NREP: variants seen among roughly 807,000 people sequenced by gnomAD.
The protein encoded by NREP is neuronal regeneration-related protein.
A neutral mutation model predicts 8.6 loss-of-function variants in NREP; 5 were observed. The ratio of observed to expected loss-of-function variants is 0.58; its 90% CI spans 0.30 to 1.22. The LOEUF is 1.22. NREP is among the 50% of genes most tolerant of loss of function. The probability of loss-of-function intolerance (pLI) is 0.07; values close to 1 mark genes in which losing one functional copy is unlikely to be tolerated. For missense variants in NREP, 86 were observed against 82.5 expected (o/e 1.04, Z -0.17); for synonymous variants, 27 against 28.0 (o/e 0.96, Z 0.11).
At chr5:111,974,164 C>T (rs1042190623) in intron 2 of NREP, among the ~76,000 whole-genome samples, 40 of 152,150 alleles carry the variant, frequency 2.6e-4, no homozygotes, top group African/African-American at 9.4e-4. Context: ...TGTCCGTGTT[C>T]CTCAGTCTTT....
intron 2 of NREP, among the ~76,000 whole-genome samples, chr5:111,822,394 A>AG (rs2112925603): frequency 6.6e-6 from 1 of 152,366 alleles, no homozygotes; most frequent in African/African-American, 2.4e-5. Context: ...TTGATATAAT[A>AG]GAATTAGGGC....
At chr5:111,919,370 T>A (rs2112576662) in intron 2 of NREP, among the ~76,000 whole-genome samples, 1 of 152,298 alleles carries the variant, frequency 6.6e-6, no homozygotes, top group South Asian at 2.1e-4. Flanking sequence ...ATCCTATTAC[T>A]GGGTATATAC....
intron 2 of NREP, among the ~76,000 whole-genome samples, chr5:111,880,414 A>G (rs1486946040): frequency 6.6e-6 from 1 of 152,202 alleles, no homozygotes; most frequent in African/African-American, 2.4e-5. Flanking sequence ...CCAAGATCAA[A>G]TATGTCAGCA....
intron 2 of NREP, among the ~76,000 whole-genome samples, chr5:111,838,723 G>C (rs2112945457): frequency 6.6e-6 from 1 of 151,454 alleles, no homozygotes; most frequent in South Asian, 2.1e-4. Context: ...ATATGTGTGT[G>C]TGTTTGTATG....
intron 2 of NREP, among the ~76,000 whole-genome samples, chr5:111,878,624 A>T (rs1365848881): frequency 6.6e-6 from 1 of 152,180 alleles, no homozygotes; most frequent in Non-Finnish European, 1.5e-5. Context: ...ATAGTTTTAG[A>T]TTTTAATGAA....
chr5:111,938,002 G>T (rs951935191), intron 2 of NREP, among the ~76,000 whole-genome samples: 5 of 152,118 alleles, frequency 3.3e-5, no homozygotes, highest in Non-Finnish European at 7.4e-5. Context: ...TCTTGCTCTT[G>T]TAATCTAACC....
chr5:111,762,336 T>A (rs1561656436), upstream of NREP, among the ~76,000 whole-genome samples: 1 of 152,164 alleles, frequency 6.6e-6, no homozygotes, highest in African/African-American at 2.4e-5. Flanking sequence ...ACCTGTTGAA[T>A]GTATAACACA....
At chr5:111,936,701 C>T (rs111483835) in intron 2 of NREP, among the ~76,000 whole-genome samples, 8 of 152,214 alleles carry the variant, frequency 5.3e-5, no homozygotes, top group African/African-American at 1.4e-4. Context: ...TGCATGACTA[C>T]AATCTCCTTG....
chr5:111,913,123 T>C (rs1015211023), intron 2 of NREP, among the ~76,000 whole-genome samples: 2 of 151,980 alleles, frequency 1.3e-5, no homozygotes, highest in Non-Finnish European at 2.9e-5. Flanking sequence ...AAGGTAAGTG[T>C]TAGTATCCAT....
chr5:111,946,811 G>A (rs898134771), intron 2 of NREP, among the ~76,000 whole-genome samples: 4 of 152,108 alleles, frequency 2.6e-5, no homozygotes, highest in Admixed American at 2.6e-4. Context: ...GAGAAGATCA[G>A]GTCTATAATG....
At chr5:111,888,497 G>A (rs1026971150) in intron 2 of NREP, among the ~76,000 whole-genome samples, 2 of 152,094 alleles carry the variant, frequency 1.3e-5, no homozygotes, top group Non-Finnish European at 2.9e-5. Flanking sequence ...ACTATCATGA[G>A]AACATCATGG....
chr5:111,924,833 C>A (rs374560324), intron 2 of NREP, among the ~76,000 whole-genome samples: 2 of 152,134 alleles, frequency 1.3e-5, no homozygotes, highest in Non-Finnish European at 2.9e-5. Flanking sequence ...CTTGCTCACA[C>A]CTCTGGGTTA....
intron 2 of NREP, among the ~76,000 whole-genome samples, chr5:111,835,501 CAG>C (rs1300970636): frequency 3.3e-5 from 5 of 151,922 alleles, no homozygotes; most frequent in Admixed American, 2.6e-4. Context: ...AAAGGCTTCT[CAG>C]GGGAGGAAAT....
intron 2 of NREP, among the ~76,000 whole-genome samples, chr5:111,928,524 A>G (rs1755451490): frequency 6.6e-6 from 1 of 152,130 alleles, no homozygotes; most frequent in African/African-American, 2.4e-5. Context: ...TTTAGAAGAG[A>G]TAGAGAAGGC....
intron 2 of NREP, among the ~76,000 whole-genome samples, chr5:111,879,569 T>G (rs999681509): frequency 1.4e-4 from 21 of 152,224 alleles, no homozygotes; most frequent in African/African-American, 5.1e-4. Flanking sequence ...TACAGTTTAT[T>G]CCCACCATAT....
rs772964955 is a variant in NREP at position 111,755,764 on chromosome 5, T to C, written c.3+6A>G. 23 of 1,613,714 alleles carry C rather than the reference T, an allele frequency of 1.4e-5. No homozygotes were observed. The highest frequency in any genetic ancestry group is 1.9e-5 in the Non-Finnish European group (23 of 1,179,758). On this transcript the variant is annotated splice_donor_region_variant and intron_variant, in intron 2 of 3. Transcript: ENST00000257435. Reference sequence around the variant, plus strand: ...CTGAGAATCTCCTCTGATGACCAAGTCTTACCATTTTGAGAATCTTAGTCT... The same window carrying C: ...CTGAGAATCTCCTCTGATGACCAAGCCTTACCATTTTGAGAATCTTAGTCT...
chr5:111,814,914 T>C (rs1390900279), intron 2 of NREP, among the ~76,000 whole-genome samples: 1 of 144,112 alleles, frequency 6.9e-6, no homozygotes, highest in African/African-American at 2.6e-5. Flanking sequence ...GAACAGAGGA[T>C]ATGGAGAATA....
upstream of NREP, among the ~76,000 whole-genome samples, chr5:111,761,419 G>C (rs1381204540): frequency 6.6e-6 from 1 of 152,014 alleles, no homozygotes; most frequent in Non-Finnish European, 1.5e-5. Context: ...GCTAATTCCT[G>C]CTCCTTCTTC....
chr5:111,905,477 A>T (rs1754758848), intron 2 of NREP, among the ~76,000 whole-genome samples: 3 of 152,166 alleles, frequency 2.0e-5, no homozygotes, highest in Admixed American at 1.3e-4. Flanking sequence ...AACATAAGGT[A>T]ACATTCTTGT....
Sources: allele counts gnomAD v4.1 joint callset (sites outside exome capture counted in the v4.1 genomes callset), GRCh38; gene constraint gnomAD v4.1.1; transcripts MANE v1.5; gene names NCBI Gene and HGNC (gene_info 2026-07-23, HGNC 2026-07-21).